The following NAV3 variants were observed in gnomAD, a reference collection of about 807,000 sequenced individuals.
NAV3 encodes pore membrane and/or filament interacting like protein 1.
In NAV3, 87 loss-of-function variants were observed where a neutral mutation model predicts 244.7. That is an observed-to-expected ratio of 0.36 (90% CI 0.30 to 0.42). NAV3 has a LOEUF of 0.42. Among genes scored for constraint, NAV3 ranks in the 20% least tolerant of loss-of-function variants. NAV3 has a pLI of 1.00. For synonymous variants in NAV3, 1,126 were observed against 1,042.2 expected (o/e 1.08, Z -1.55); for missense variants, 2,663 against 2,893.3 (o/e 0.92, Z 1.83).
intron 24 of NAV3, among the ~76,000 whole-genome samples, chr12:78,169,333 C>T (rs768277414): frequency 3.3e-5 from 5 of 151,678 alleles, no homozygotes; most frequent in Admixed American, 6.6e-5. Flanking sequence ...TAAAAAGGTA[C>T]ATTTCCTGTA....
chr12:77,853,822 G>C (rs1256508846), intron 1 of NAV3, among the ~76,000 whole-genome samples: 1 of 152,130 alleles, frequency 6.6e-6, no homozygotes, highest in Non-Finnish European at 1.5e-5. Flanking sequence ...CTTATACTGA[G>C]GTGAAAATTC....
intron 2 of NAV3, among the ~76,000 whole-genome samples, chr12:77,690,753 T>G (rs1165690869): frequency 6.8e-6 from 1 of 148,056 alleles, no homozygotes; most frequent in Non-Finnish European, 1.5e-5. Flanking sequence ...ATTTTATATA[T>G]GTATTTATTT....
In NAV3 at chr12:77,795,309, C is replaced by T. The variant is rs770667892; in HGVS notation, c.73-145010C>T. Among the ~76,000 whole-genome samples, 30 of 151,986 alleles carry T rather than the reference C, an allele frequency of 2.0e-4. 1 individual carries two copies. Among genetic ancestry groups the T allele is most frequent in the Admixed American group, 5.2e-4 (8 of 15,250 alleles). The stretch of plus-strand genomic sequence containing the variant: ...TCCAAAGCAAAGCCCTAACTGTCTT[C>T]GATTGTAACAAGGCTGAAAAAGGTG... On this transcript the variant is annotated intron_variant, in intron 2 of 8. Coordinates refer to the NAV3 transcript ENST00000550042.
chr12:77,648,844 A>G (rs1484125955), intron 2 of NAV3, among the ~76,000 whole-genome samples: 1 of 151,936 alleles, frequency 6.6e-6, no homozygotes, highest in Admixed American at 6.6e-5. Context: ...TAAATATGGG[A>G]TTTCTTCTGG....
intron 2 of NAV3, among the ~76,000 whole-genome samples, chr12:77,609,969 A>G (rs182558209): frequency 7.2e-5 from 11 of 152,116 alleles, no homozygotes; most frequent in African/African-American, 2.6e-4. Flanking sequence ...TAGTACAATC[A>G]TTGGGGAAGT....
intron 2 of NAV3, among the ~76,000 whole-genome samples, chr12:77,660,526 T>C (rs1237974137): frequency 6.6e-6 from 1 of 152,200 alleles, no homozygotes; most frequent in African/African-American, 2.4e-5. Flanking sequence ...TTATTTTAAA[T>C]AGTTTTTTAC....
intron 2 of NAV3, among the ~76,000 whole-genome samples, chr12:77,583,360 G>A (rs1278618600): frequency 6.6e-6 from 1 of 152,084 alleles, no homozygotes; most frequent in Non-Finnish European, 1.5e-5. Flanking sequence ...GCTGGTATTG[G>A]CAAATTATAA....
chr12:77,715,871 C>A (rs950738768), intron 2 of NAV3, among the ~76,000 whole-genome samples: 2 of 152,118 alleles, frequency 1.3e-5, no homozygotes, highest in Middle Eastern at 3.4e-3. Context: ...TTATGTACAT[C>A]ATGAGAGCAT....
chr12:77,592,054 G>A (rs1335630262), intron 2 of NAV3, among the ~76,000 whole-genome samples: 1 of 148,726 alleles, frequency 6.7e-6, no homozygotes, highest in African/African-American at 2.6e-5. Context: ...CACCACAGGA[G>A]CTTCGTTCGC....
intron 1 of NAV3, among the ~76,000 whole-genome samples, chr12:77,856,695 A>T (rs2136295107): frequency 6.6e-6 from 1 of 152,322 alleles, no homozygotes; most frequent in African/African-American, 2.4e-5. Flanking sequence ...ATAACATTAA[A>T]ATGTTAACTT....
chr12:77,833,557 T>A (rs1874088841), intron 1 of NAV3, among the ~76,000 whole-genome samples: 1 of 152,164 alleles, frequency 6.6e-6, no homozygotes, highest in Non-Finnish European at 1.5e-5. Flanking sequence ...GGTTGAGTAT[T>A]TACAGCTCCT....
chr12:77,772,752 A>G (rs960298383), intron 2 of NAV3, among the ~76,000 whole-genome samples: 1 of 152,132 alleles, frequency 6.6e-6, no homozygotes, highest in Non-Finnish European at 1.5e-5. Context: ...AGCAGTTGGA[A>G]TCTGTGTTGA....
chr12:78,016,570 C>T (rs767606447), intron 8 of NAV3, among the ~76,000 whole-genome samples: 55 of 152,086 alleles, frequency 3.6e-4, no homozygotes, highest in Non-Finnish European at 6.8e-4. Flanking sequence ...GTCTGCCTTT[C>T]CAGAATGAAG....
intron 2 of NAV3, among the ~76,000 whole-genome samples, chr12:77,648,455 C>T (rs1483584350): frequency 2.6e-5 from 4 of 152,042 alleles, no homozygotes; most frequent in Non-Finnish European, 4.4e-5. Flanking sequence ...ATTTATATCT[C>T]TCAAATTACA....
intron 1 of NAV3, among the ~76,000 whole-genome samples, chr12:77,856,467 A>G (rs942079389): frequency 6.6e-6 from 1 of 152,184 alleles, no homozygotes; most frequent in Non-Finnish European, 1.5e-5. Context: ...GTGTAAAAAC[A>G]TACATGAGAA....
intron 1 of NAV3, among the ~76,000 whole-genome samples, chr12:77,907,911 T>G (rs1009232963): frequency 8.5e-5 from 13 of 152,140 alleles, no homozygotes; most frequent in African/African-American, 2.9e-4. Flanking sequence ...CTTGTAAGGA[T>G]GTGTGGATGT....
chr12:78,044,376 C>G (rs950323848), intron 9 of NAV3, among the ~76,000 whole-genome samples: 2 of 152,110 alleles, frequency 1.3e-5, no homozygotes, highest in Admixed American at 6.6e-5. Flanking sequence ...ATGCTTCCAG[C>G]TTTGTTCTTT....
intron 1 of NAV3, among the ~76,000 whole-genome samples, chr12:77,917,131 C>T (rs1887225959): frequency 1.3e-5 from 2 of 151,822 alleles, no homozygotes; most frequent in South Asian, 2.1e-4. Context: ...TACATAAAAG[C>T]TAATAATATA....
intron 2 of NAV3, among the ~76,000 whole-genome samples, chr12:77,750,305 A>T (rs779162010): frequency 3.3e-5 from 5 of 152,170 alleles, no homozygotes; most frequent in Non-Finnish European, 5.9e-5. Context: ...GTGAGCTGAG[A>T]TCACGCCACT....
Sources: allele counts gnomAD v4.1 joint callset (sites outside exome capture counted in the v4.1 genomes callset), GRCh38; gene constraint gnomAD v4.1.1; transcripts MANE v1.5; gene names NCBI Gene and HGNC (gene_info 2026-07-23, HGNC 2026-07-21).